The following GMDS variants were observed in gnomAD, a reference collection of about 807,000 sequenced individuals.
GMDS encodes GDP-mannose 4,6-dehydratase.
GMDS carries 20 observed loss-of-function variants against 49.9 expected under a neutral mutation model. That is an observed-to-expected ratio of 0.40 (90% CI 0.28 to 0.58). The LOEUF (loss-of-function observed/expected upper bound fraction) is 0.58, where lower values mean the gene tolerates loss of function less well. GMDS is among the 20% of genes least tolerant of loss of function. The pLI, the probability that GMDS is intolerant of heterozygous loss-of-function variation, is 0.42. For missense variants in GMDS, 362 were observed against 481.4 expected (o/e 0.75, Z 2.32); for synonymous variants, 177 against 178.6 (o/e 0.99, Z 0.07).
intron 9 of GMDS, among the ~76,000 whole-genome samples, chr6:1,666,434 C>T (rs897358251): frequency 6.6e-6 from 1 of 152,202 alleles, no homozygotes; most frequent in African/African-American, 2.4e-5. Flanking sequence ...TTCCTCTACC[C>T]TCTCAGCCTA....
chr6:1,890,579 G>C (rs1414777780), intron 7 of GMDS, among the ~76,000 whole-genome samples: 1 of 151,976 alleles, frequency 6.6e-6, no homozygotes, highest in Non-Finnish European at 1.5e-5. Context: ...CTTTGATGGA[G>C]TCCATTTTAT....
At chr6:1,932,537 C>CT (rs1166894439) in intron 6 of GMDS, among the ~76,000 whole-genome samples, 2,526 of 134,000 alleles carry the variant, frequency 0.019, 73 homozygotes, top group African/African-American at 0.055. Context: ...ATTTCTAATT[C>CT]TTTTTTTTTT....
intron 6 of GMDS, among the ~76,000 whole-genome samples, chr6:1,958,819 C>T (rs944096637): frequency 2.6e-5 from 4 of 152,072 alleles, no homozygotes; most frequent in African/African-American, 4.8e-5. Context: ...TAAATGATAG[C>T]GAAATTTAAT....
chr6:1,854,437 G>C (rs1757853740), intron 7 of GMDS, among the ~76,000 whole-genome samples: 1 of 152,148 alleles, frequency 6.6e-6, no homozygotes, highest in Admixed American at 6.5e-5. Context: ...ATGTCCTCCA[G>C]CACTATTTAG....
At chr6:2,039,762 T>C (rs953785460) in intron 4 of GMDS, among the ~76,000 whole-genome samples, 2 of 152,296 alleles carry the variant, frequency 1.3e-5, no homozygotes, top group Non-Finnish European at 2.9e-5. Context: ...CACCTTCTTC[T>C]GAAATCCCTT....
At chr6:2,063,086 G>C (rs1771288603) in intron 4 of GMDS, among the ~76,000 whole-genome samples, 2 of 152,230 alleles carry the variant, frequency 1.3e-5, no homozygotes, top group African/African-American at 4.8e-5. Flanking sequence ...CCCAGGACAA[G>C]GTTTCTGTTT....
intron 1 of GMDS, among the ~76,000 whole-genome samples, chr6:2,228,338 C>A (rs750781353): frequency 6.6e-6 from 1 of 152,214 alleles, no homozygotes; most frequent in Non-Finnish European, 1.5e-5. Flanking sequence ...TTTCCTCCCC[C>A]ACCTTTATAA....
intron 1 of GMDS, among the ~76,000 whole-genome samples, chr6:2,223,635 T>C (rs1394629120): frequency 6.7e-6 from 1 of 149,948 alleles, no homozygotes; most frequent in Admixed American, 6.6e-5. Context: ...ACATGAGGAG[T>C]GAGGGGAAAG....
intron 2 of GMDS, among the ~76,000 whole-genome samples, chr6:2,122,841 A>G (rs1047370293): frequency 6.6e-6 from 1 of 152,276 alleles, no homozygotes; most frequent in South Asian, 2.1e-4. Flanking sequence ...GTTTCCTTCT[A>G]TCAGTTCACG....
At chr6:2,136,614 G>A (rs1776015070) in intron 1 of GMDS, among the ~76,000 whole-genome samples, 1 of 152,232 alleles carries the variant, frequency 6.6e-6, no homozygotes, top group South Asian at 2.1e-4. Context: ...CAGCTGCTCA[G>A]GAGGCTGACA....
intron 7 of GMDS, among the ~76,000 whole-genome samples, chr6:1,784,117 AT>A (rs1378449924): frequency 1.3e-5 from 2 of 152,304 alleles, no homozygotes; most frequent in African/African-American, 2.4e-5. Flanking sequence ...TGGGCTATTT[AT>A]TTTTGTCCAT....
chr6:2,192,119 G>A (rs1318345012), intron 1 of GMDS, among the ~76,000 whole-genome samples: 2 of 152,170 alleles, frequency 1.3e-5, no homozygotes, highest in Non-Finnish European at 1.5e-5. Context: ...TGCCTACAGA[G>A]AGAAGCCACC....
intron 1 of GMDS, among the ~76,000 whole-genome samples, chr6:2,155,536 T>C (rs576375413): frequency 1.3e-5 from 2 of 152,270 alleles, no homozygotes; most frequent in South Asian, 2.1e-4. Context: ...ACCACCAATA[T>C]ATGACAGATC....
At chr6:2,164,076 C>T (rs920396910) in intron 1 of GMDS, among the ~76,000 whole-genome samples, 5 of 152,202 alleles carry the variant, frequency 3.3e-5, no homozygotes, top group Admixed American at 6.5e-5. Context: ...ATTCAATCAC[C>T]GTAGGCCACC....
intron 7 of GMDS, among the ~76,000 whole-genome samples, chr6:1,913,807 T>G (rs926878177): frequency 6.6e-6 from 1 of 151,982 alleles, no homozygotes; most frequent in Non-Finnish European, 1.5e-5. Context: ...GGAAGCACTT[T>G]TTTTTCTTTA....
rs144497474 is a variant in GMDS at position 2,188,477 on chromosome 6, A to G, written c.102+56844T>C. Among the ~76,000 whole-genome samples, 393 of 152,314 alleles carry G rather than the reference A, an allele frequency of 2.6e-3. 1 individual carries two copies. The highest frequency in any genetic ancestry group is 9.1e-3 in the African/African-American group (380 of 41,558). On this transcript the variant is annotated intron_variant, in intron 1 of 10. Coordinates refer to ENST00000380815, the MANE Select transcript of GMDS (RefSeq NM_001500.4). The stretch of plus-strand genomic sequence containing the variant: ...CAAAGGGAAAAAATGCTATTTTGAT[A>G]TGGACGGGGATTCATTACTGAAGTA...
intron 6 of GMDS, among the ~76,000 whole-genome samples, chr6:1,948,757 C>G (rs1348859627): frequency 1.3e-5 from 2 of 152,224 alleles, no homozygotes; most frequent in African/African-American, 4.8e-5. Context: ...TCATCATCGT[C>G]TTTTCTTGAC....
At chr6:1,884,135 T>C (rs1759491732) in intron 7 of GMDS, among the ~76,000 whole-genome samples, 2 of 152,336 alleles carry the variant, frequency 1.3e-5, no homozygotes, top group African/African-American at 2.4e-5. Context: ...TTTCTCCCCA[T>C]ATATCTTACT....
intron 4 of GMDS, among the ~76,000 whole-genome samples, chr6:2,047,235 CTT>C (rs1396070680): frequency 1.3e-5 from 2 of 152,200 alleles, no homozygotes; most frequent in African/African-American, 2.4e-5. Flanking sequence ...TGGCCATTCT[CTT>C]TGTACTGCCC....
Sources: allele counts gnomAD v4.1 joint callset (sites outside exome capture counted in the v4.1 genomes callset), GRCh38; gene constraint gnomAD v4.1.1; transcripts MANE v1.5; gene names NCBI Gene and HGNC (gene_info 2026-07-23, HGNC 2026-07-21).